The following CPD variants were observed in gnomAD, a reference collection of about 807,000 sequenced individuals.
CPD encodes the protein metallocarboxypeptidase D.
Under a neutral mutation model 138.3 loss-of-function variants are expected in CPD, and 69 were observed. The ratio of observed to expected loss-of-function variants is 0.50; its 90% confidence interval spans 0.41 to 0.61. The LOEUF is 0.61. Ranked by LOEUF, CPD falls within the 20% of genes least tolerant of loss-of-function variation. The pLI is 0.00. For synonymous variants in CPD, 651 were observed against 642.1 expected, an observed-to-expected ratio of 1.01 and a Z score of -0.21; for missense variants, 1,432 against 1,733.3, an observed-to-expected ratio of 0.83 and a Z score of 3.09.
At chr17:30,464,020 C>T (rs1318958566) in intron 20 of CPD, among the ~76,000 whole-genome samples, 1 of 151,938 alleles carries the variant, frequency 6.6e-6, no homozygotes, top group Admixed American at 6.6e-5. Context: ...TCATAAAAAG[C>T]AGGTTGCAGA....
At chr17:30,421,080 G>A in intron 3 of CPD, 97 bp downstream of exon 3, 2 of 872,462 alleles carry the variant, frequency 2.3e-6, no homozygotes, top group Middle Eastern at 2.4e-4. Context: ...AGTATTAGAT[G>A]TCATTTATCT....
chr17:30,451,442 A>G (rs890495722), intron 13 of CPD, among the ~76,000 whole-genome samples: 2 of 152,192 alleles, frequency 1.3e-5, no homozygotes, highest in African/African-American at 2.4e-5. Context: ...GCAGGCACCA[A>G]CTGGATTTGG....
At chr17:30,452,260 A>G (rs191705917) in intron 14 of CPD, among the ~76,000 whole-genome samples, 64 of 151,146 alleles carry the variant, frequency 4.2e-4, no homozygotes, top group African/African-American at 1.4e-3. Context: ...TTCAGTACTT[A>G]TAGATCTCTA....
intron 1 of CPD, among the ~76,000 whole-genome samples, chr17:30,384,186 C>G (rs1232000543): frequency 6.6e-6 from 1 of 152,094 alleles, no homozygotes; most frequent in African/African-American, 2.4e-5. Flanking sequence ...TATTGTTTTT[C>G]TCTGTAAGCA....
rs530286460 is a variant in CPD, at chr17:30,388,706, G to A, written c.994+3470G>A. On this transcript the variant is annotated intron_variant, in intron 2 of 20. Coordinates refer to ENST00000225719, the MANE Select transcript of CPD (RefSeq NM_001304.5). ...CTCAGTGGAGCATGCAGCCCCAGCC[G>A]TGCCCCCTGGGAGCCTGTGGCGGGT... 9.9e-5 allele frequency among the ~76,000 whole-genome samples: 15 copies of A among 152,272 alleles called. No homozygotes were observed. The East Asian group carries it at 2.1e-3, about 22-fold the overall frequency.
intron 12 of CPD, 78 bp downstream of exon 12, chr17:30,446,098 T>C: frequency 9.9e-7 from 1 of 1,007,960 alleles, no homozygotes; most frequent in Non-Finnish European, 1.5e-6. Flanking sequence ...ATAGTTGTAA[T>C]TTATATAGAA....
intron 8 of CPD, among the ~76,000 whole-genome samples, chr17:30,433,604 G>A (rs768574652): frequency 3.9e-5 from 6 of 152,042 alleles, no homozygotes; most frequent in African/African-American, 1.2e-4. Flanking sequence ...ACACTGTCAC[G>A]GCAATTTGCT....
rs1035424108 is a variant in CPD at position 30,379,739 on chromosome 17, T to C, written c.746+13T>C. The C allele has an allele frequency of 1.4e-6, 2 of 1,446,042 alleles. No homozygotes were observed. Among genetic ancestry groups the C allele is most frequent in the Non-Finnish European group, 1.8e-6 (2 of 1,109,814 alleles). The allele number at this position is 1,446,042 out of a possible 1,614,324, so 89.6% of individuals were successfully genotyped here. ...TCCGCAGGAACAAGTGAGTGTTGCC[T>C]GCCCCCTCCCCGTCCGTGTGAGCCT... On this transcript the variant is annotated intron_variant, in intron 1 of 20. Coordinates refer to ENST00000225719, the MANE Select transcript of CPD (RefSeq NM_001304.5). This position sits in a 1 kb window ranked among gnomAD's most constrained non-coding sequence, Gnocchi z 7.0.
intron 2 of CPD, among the ~76,000 whole-genome samples, chr17:30,387,085 TATG>T (rs1397585703): frequency 6.6e-6 from 1 of 152,210 alleles, no homozygotes; most frequent in Non-Finnish European, 1.5e-5. Flanking sequence ...TCCAATTTCT[TATG>T]AAATGTTATT....
At chr17:30,389,936 G>A (rs1004445911) in intron 2 of CPD, among the ~76,000 whole-genome samples, 27 of 152,250 alleles carry the variant, frequency 1.8e-4, no homozygotes, top group Admixed American at 1.8e-3. Flanking sequence ...TTTCAACAGG[G>A]TGAATTCATT....
At chr17:30,455,502 T>C in intron 15 of CPD, 32 bp downstream of exon 15, 1 of 1,588,466 alleles carries the variant, frequency 6.3e-7, no homozygotes, top group Non-Finnish European at 8.5e-7. Context: ...ATATATACTG[T>C]TTAAGCTTAG....
intron 20 of CPD, 70 bp downstream of exon 20, chr17:30,462,539 A>AC: frequency 6.9e-6 from 7 of 1,018,802 alleles, no homozygotes; most frequent in South Asian, 1.3e-5. Flanking sequence ...AGAGTGGGTC[A>AC]CCTCTCTCAT....
intron 14 of CPD, among the ~76,000 whole-genome samples, chr17:30,453,354 G>A (rs1473567919): frequency 6.6e-6 from 1 of 152,198 alleles, no homozygotes; most frequent in African/African-American, 2.4e-5. Flanking sequence ...AGGGGCTACA[G>A]GCCCCATGCA....
chr17:30,395,097 A>G (rs532756306), intron 2 of CPD, among the ~76,000 whole-genome samples: 12 of 151,750 alleles, frequency 7.9e-5, no homozygotes, highest in African/African-American at 2.9e-4. Context: ...GGCAGTGTAG[A>G]TGATTTTGAA....
At chr17:30,449,460 G>A in intron 12 of CPD, 93 bp from the exon 13 acceptor site, 1 of 1,197,496 alleles carries the variant, frequency 8.4e-7, no homozygotes, top group Non-Finnish European at 1.2e-6. Context: ...AACTTTTTGT[G>A]TTTTGTTTTC....
At chr17:30,447,633 CTTTT>C (rs541275767) in intron 12 of CPD, 1 of 148,044 alleles carries the variant, frequency 6.8e-6, no homozygotes, top group African/African-American at 2.5e-5. Context: ...TTATGTGTAA[CTTTT>C]TTTTTTTAAT....
At chr17:30,417,554 A>G (rs184483559) in intron 2 of CPD, among the ~76,000 whole-genome samples, 5 of 152,262 alleles carry the variant, frequency 3.3e-5, no homozygotes, top group Middle Eastern at 3.4e-3. Context: ...CATTAGCCCA[A>G]TTGATCAGGC....
chr17:30,446,187 T>A (rs1251957349), intron 12 of CPD, among the ~76,000 whole-genome samples, 167 bp downstream of exon 12: 4 of 152,162 alleles, frequency 2.6e-5, no homozygotes, highest in South Asian at 2.1e-4. Context: ...CTTTTTTTTT[T>A]AATTATGCTT....
At chr17:30,449,414 T>A in intron 12 of CPD, 139 bp from the exon 13 acceptor site, 1 of 619,984 alleles carries the variant, frequency 1.6e-6, no homozygotes, top group African/African-American at 2.0e-5. Context: ...CTTAAGGTTT[T>A]CTGATGCAGT....
Sources: allele counts gnomAD v4.1 joint callset (sites outside exome capture counted in the v4.1 genomes callset), GRCh38; gene constraint gnomAD v4.1.1; non-coding constraint Gnocchi (gnomAD v3.1); transcripts MANE v1.5; gene names NCBI Gene and HGNC (gene_info 2026-07-23, HGNC 2026-07-21).